The following HSPA12A variants were observed in gnomAD, a reference collection of about 807,000 sequenced individuals.
HSPA12A encodes heat shock 70 kDa protein 12A.
A neutral mutation model predicts 69.2 loss-of-function variants in HSPA12A; 28 were observed. The ratio of observed to expected loss-of-function variants is 0.40; its 90% CI spans 0.30 to 0.55. The LOEUF is 0.55. HSPA12A is among the 20% of genes least tolerant of loss of function. HSPA12A has a pLI of 0.38. For missense variants in HSPA12A, 686 were observed against 900.7 expected (o/e 0.76, Z 3.05); for synonymous variants, 345 against 370.5 (o/e 0.93, Z 0.79).
intron 9 of HSPA12A, 121 bp downstream of exon 9, chr10:116,681,031 C>G: frequency 1.5e-6 from 1 of 682,154 alleles, no homozygotes; most frequent in South Asian, 1.7e-5. Context: ...CCTCCACCGC[C>G]TACGATCCCA....
intron 1 of HSPA12A, among the ~76,000 whole-genome samples, chr10:116,719,388 C>T (rs992957556): frequency 6.6e-6 from 1 of 152,224 alleles, no homozygotes; most frequent in South Asian, 2.1e-4. Context: ...TGCCACCTTG[C>T]CACCAGCACA....
chr10:116,762,741 G>A (rs1434933235), intron 2 of HSPA12A, among the ~76,000 whole-genome samples: 1 of 152,086 alleles, frequency 6.6e-6, no homozygotes, highest in African/African-American at 2.4e-5. Context: ...ATGCCACTAC[G>A]TCTGGCTGAT....
intron 2 of HSPA12A, among the ~76,000 whole-genome samples, chr10:116,788,167 G>A (rs1375482490): frequency 6.6e-6 from 1 of 152,216 alleles, no homozygotes. Context: ...GCCGACCAAA[G>A]CACATCCTGC....
chr10:116,793,319 C>G (rs761752173), intron 2 of HSPA12A, among the ~76,000 whole-genome samples: 1 of 152,124 alleles, frequency 6.6e-6, no homozygotes, highest in Non-Finnish European at 1.5e-5. Context: ...GCCTGTAATC[C>G]CAACATGTTG....
At chr10:116,714,469 C>T (rs979058090) in intron 1 of HSPA12A, among the ~76,000 whole-genome samples, 15 of 152,284 alleles carry the variant, frequency 9.9e-5, no homozygotes, top group South Asian at 4.1e-4. Context: ...CTCTTGCATT[C>T]GCTGGCTCCT....
Position 116,834,945 on chromosome 10 carries a change from T to C in HSPA12A, c.81A>G (p.Ile27Met), listed in dbSNP as rs1276259733. Residue 27 changes from isoleucine to methionine, a missense_variant, in exon 2 of 13, where the codon ATA becomes ATG. By Grantham distance (10) the Ile-to-Met change is conservative. Coordinates refer to the HSPA12A transcript ENST00000635765. ...TAGTTAATTTCCTACCTGAAGCGGCTATTTCCCACCTTGAATCACACTTCA... is the reference window on the plus strand; with the variant it reads ...TAGTTAATTTCCTACCTGAAGCGGCCATTTCCCACCTTGAATCACACTTCA... 7.3e-6 allele frequency: 9 copies of C among 1,231,018 alleles called. No homozygotes were observed. The East Asian group carries it at 2.2e-4, about 30-fold the overall frequency. The allele number at this position is 1,231,018 out of a possible 1,614,324, so 76.3% of individuals were successfully genotyped here.
At chr10:116,753,545 C>T (rs1394425876) in intron 2 of HSPA12A, among the ~76,000 whole-genome samples, 3 of 152,200 alleles carry the variant, frequency 2.0e-5, no homozygotes, top group African/African-American at 7.2e-5. Context: ...CTGCCTCATC[C>T]TGCCTGTCAT....
At chr10:116,695,542 C>A (rs998170397) in intron 5 of HSPA12A, among the ~76,000 whole-genome samples, 1 of 151,450 alleles carries the variant, frequency 6.6e-6, no homozygotes, top group African/African-American at 2.4e-5. Flanking sequence ...ATTGGCCGGG[C>A]GCGGTGGCTC....
intron 1 of HSPA12A, among the ~76,000 whole-genome samples, chr10:116,720,501 T>C (rs1850742525): frequency 6.6e-6 from 1 of 152,208 alleles, no homozygotes; most frequent in African/African-American, 2.4e-5. Context: ...GCTGGGAAGC[T>C]GGCTAGTCAG....
intron 9 of HSPA12A, among the ~76,000 whole-genome samples, chr10:116,680,902 C>A (rs532961320): frequency 2.0e-5 from 3 of 152,340 alleles, no homozygotes; most frequent in East Asian, 3.9e-4. Context: ...CAGAAACCAG[C>A]GCCCTTGGCC....
At chr10:116,796,056 G>A (rs1420434939) in intron 2 of HSPA12A, among the ~76,000 whole-genome samples, 1 of 147,466 alleles carries the variant, frequency 6.8e-6, no homozygotes, top group Non-Finnish European at 1.5e-5. Flanking sequence ...GCTGAGGCAG[G>A]AGAATGACGT....
chr10:116,692,568 T>A, intron 5 of HSPA12A, 101 bp from the exon 6 acceptor site: 1 of 843,508 alleles, frequency 1.2e-6, no homozygotes, highest in Non-Finnish European at 1.9e-6. Flanking sequence ...CATGAGCTCT[T>A]CAGGAGCCAG....
chr10:116,772,950 C>T (rs1272755497), intron 2 of HSPA12A, among the ~76,000 whole-genome samples: 2 of 152,158 alleles, frequency 1.3e-5, no homozygotes, highest in Non-Finnish European at 2.9e-5. Flanking sequence ...AATTCTCCCA[C>T]CTTGGCCTCC....
chr10:116,685,583 C>T (rs1439349348), intron 6 of HSPA12A, among the ~76,000 whole-genome samples: 9 of 149,496 alleles, frequency 6.0e-5, no homozygotes, highest in African/African-American at 7.4e-5. Context: ...TGCAGTGAGC[C>T]GAGATGGTGC....
chr10:116,782,293 G>T (rs189420859), intron 2 of HSPA12A, among the ~76,000 whole-genome samples: 1 of 152,292 alleles, frequency 6.6e-6, no homozygotes, highest in African/African-American at 2.4e-5. Context: ...AGGCTTATTC[G>T]ACTGTTTTGG....
Position 116,686,001 on chromosome 10 carries a change from GC to G in HSPA12A, c.664-2040del, listed in dbSNP as rs1323332459. 1.3e-5 allele frequency among the ~76,000 whole-genome samples: 2 copies of G among 152,190 alleles called. No homozygotes were observed. The highest frequency in any genetic ancestry group is 1.3e-4 in the Admixed American group (2 of 15,282). On this transcript the variant is annotated intron_variant, in intron 6 of 11. Transcript: ENST00000369209. The surrounding 1 kb of genome is among the most constrained non-coding windows in gnomAD (Gnocchi z 4.1). ...GGCAGCATCAATGCCTGTCAGCTCA[GC>G]CCATGGGTCAGAGAAGCTGGGTCTG...
chr10:116,849,961 A>G, upstream of HSPA12A: 1 of 688,804 alleles, frequency 1.5e-6, no homozygotes, highest in East Asian at 2.8e-5. Context: ...TGGAGGAAAG[A>G]GGGCGCTAGG....
intron 1 of HSPA12A, among the ~76,000 whole-genome samples, chr10:116,735,483 C>G (rs1216207014): frequency 6.6e-6 from 1 of 152,140 alleles, no homozygotes; most frequent in Non-Finnish European, 1.5e-5. Flanking sequence ...GAGGCCACCA[C>G]ATAAAGAAGC....
chr10:116,821,507 CTTTAT>C (rs893920150), intron 2 of HSPA12A, among the ~76,000 whole-genome samples: 1 of 152,200 alleles, frequency 6.6e-6, no homozygotes, highest in Non-Finnish European at 1.5e-5. Flanking sequence ...CCCCATCCAG[CTTTAT>C]TTTTTCTCTA....
Sources: allele counts gnomAD v4.1 joint callset (sites outside exome capture counted in the v4.1 genomes callset), GRCh38; gene constraint gnomAD v4.1.1; non-coding constraint Gnocchi (gnomAD v3.1); transcripts MANE v1.5; gene names NCBI Gene and HGNC (gene_info 2026-07-23, HGNC 2026-07-21).